Variants in ARL4C observed in about 807,000 individuals in gnomAD.
ARL4C encodes ADP-ribosylation factor-like protein 4C.
ARL4C carries 5 observed loss-of-function variants against 12.8 expected under a neutral mutation model. The ratio of observed to expected loss-of-function variants is 0.39; its 90% CI spans 0.20 to 0.82. The LOEUF (loss-of-function observed/expected upper bound fraction) is 0.82, where lower values mean the gene tolerates loss of function less well. Ranked by LOEUF, ARL4C falls within the 40% of genes least tolerant of loss-of-function variation. The probability of loss-of-function intolerance (pLI) is 0.39; values close to 1 mark genes in which losing one functional copy is unlikely to be tolerated. For synonymous variants in ARL4C, 119 were observed against 119.4 expected, an observed-to-expected ratio of 1.00 and a Z score of 0.02; for missense variants, 148 against 265.2, an observed-to-expected ratio of 0.56 and a Z score of 3.07.
rs1691779905 is a variant in ARL4C, at chr2:234,496,142, G to A, written c.445C>T (p.Leu149Phe). ...EIEKQLALHELIPATTYHVQP... is the reference protein window; with the variant it reads ...EIEKQLALHEFIPATTYHVQP... Reference sequence around the variant, plus strand: ...ACGTGATAGGTGGTGGCCGGGATAAGCTCGTGCAGCGCCAGCTGCTTCTCA... The same window carrying A: ...ACGTGATAGGTGGTGGCCGGGATAAACTCGTGCAGCGCCAGCTGCTTCTCA... Residue 149 changes from leucine to phenylalanine, a missense_variant, in exon 1 of 2, where the codon CTT becomes TTT. Coordinates refer to ENST00000339728, the MANE Select transcript of ARL4C (RefSeq NM_001282431.2). 2.5e-6 allele frequency: 4 copies of A among 1,613,748 alleles called. No individual in the cohort carries two copies. The highest frequency in any genetic ancestry group is 3.4e-6 in the Non-Finnish European group (4 of 1,179,944).
In ARL4C at chr2:234,496,344, G is replaced by A. The variant is rs374968421; in HGVS notation, c.243C>T (p.Ser81=). The A allele has an allele frequency of 1.2e-6, 2 of 1,613,196 alleles. No individual in the cohort carries two copies. The highest frequency in any genetic ancestry group is 1.7e-6 in the Non-Finnish European group (2 of 1,179,776). The stretch of plus-strand genomic sequence containing the variant: ...TGATGCCGTCCGTGCAGCGGCTGTA[G>A]GACTTCCACAGCGGCCGCAGCTTCT... ...GQEKLRPLWK[S]YSRCTDGIIY... is the part of the protein sequence containing the mutation. Residue 81 remains serine (S), a synonymous_variant, in exon 1 of 2, where the codon TCC becomes TCT. Transcript: ENST00000339728.
chr2:234,496,451 C>T lies in ARL4C; in HGVS notation c.136G>A (p.Gly46Ser). Reference sequence around the variant, plus strand: ...AGCTTGATCTTCTCGGTGTTGAAGCCGATGGTGGGCACCGTGTTCACGAAC... The same window carrying T: ...AGCTTGATCTTCTCGGTGTTGAAGCTGATGGTGGGCACCGTGTTCACGAAC... ...NEFVNTVPTI[G>S]FNTEKIKLSN... is the part of the protein sequence containing the mutation. Residue 46 changes from glycine to serine, a missense_variant, in exon 1 of 2, where the codon GGC (glycine) becomes AGC (serine). Coordinates refer to ENST00000339728, the MANE Select transcript of ARL4C (RefSeq NM_001282431.2). The T allele has an allele frequency of 6.2e-7, 1 of 1,613,160 alleles. No homozygotes were observed. Among genetic ancestry groups the T allele is most frequent in the Non-Finnish European group, 8.5e-7 (1 of 1,179,840 alleles).
chr2:234,495,904 G>A (rs954511357), intron 1 of ARL4C, 68 bp from the exon 2 acceptor site: 5 of 1,604,540 alleles, frequency 3.1e-6, no homozygotes, highest in Non-Finnish European at 4.2e-6. Flanking sequence ...CTTTGTTCGC[G>A]GGCGCGGGTT....
At position 234,496,621 on chromosome 2, in the gene ARL4C, G is replaced by C. The variant is rs757470804; in HGVS notation, c.-35C>G. ...CTGCGGCGCCAGCCACTGCGGCTGC[G>C]GCGGGAGGGCGCCGCCCCCCGAGCA... On this transcript the variant is annotated 5_prime_UTR_variant, in exon 1 of 2. Coordinates refer to ENST00000339728, the MANE Select transcript of ARL4C (RefSeq NM_001282431.2). The C allele has an allele frequency of 1.1e-5, 15 of 1,421,888 alleles. No homozygotes were observed. The highest frequency in any genetic ancestry group is 1.4e-5 in the Non-Finnish European group (15 of 1,085,862). 88.1% of individuals were successfully genotyped at this position (1,421,888 alleles called of 1,614,324 possible).
Position 234,496,900 on chromosome 2 carries a change from C to A in ARL4C, c.-314G>T, listed in dbSNP as rs1691795128. The A allele has an allele frequency of 6.7e-6, 1 of 149,550 alleles. No individual in the cohort carries two copies. Among genetic ancestry groups the A allele is most frequent in the African/African-American group, 2.4e-5 (1 of 41,220 alleles). 9.3% of individuals were successfully genotyped at this position (149,550 alleles called of 1,614,324 possible). A position where few individuals can be genotyped will look rare whatever the true frequency, so the allele number is the denominator to read the frequency against. ...CTCTGTGGTTTCCTCGGGCCGCGCC[C>A]CCGCGCTCCGGCAGCTGCCCGGGCT... On this transcript the variant is annotated 5_prime_UTR_variant, in exon 1 of 2. Transcript: ENST00000339728.
chr2:234,495,660 C>A lies in ARL4C; in HGVS notation c.*146G>T. 9.7e-7 allele frequency: 1 copy of A among 1,029,520 alleles called. No homozygotes were observed. The highest frequency in any genetic ancestry group is 1.5e-6 in the Non-Finnish European group (1 of 681,396). 63.8% of individuals were successfully genotyped at this position (1,029,520 alleles called of 1,614,324 possible). On this transcript the variant is annotated 3_prime_UTR_variant, in exon 2 of 2. Coordinates refer to ENST00000339728, the MANE Select transcript of ARL4C (RefSeq NM_001282431.2). ...GCTTTTGTCTTTCCGACAACTGAGC[C>A]TTCCACCTGGGGCTGGGAGGGCGGA...
rs756451178 is a variant in ARL4C, at chr2:234,496,243, G to A, written c.344C>T (p.Ala115Val). 2 of 1,584,084 alleles carry A rather than the reference G, an allele frequency of 1.3e-6. No homozygotes were observed. The highest frequency in any genetic ancestry group is 1.7e-6 in the Non-Finnish European group (2 of 1,163,880). ...KTELHKVTKFAENQGTPLLVI... is the reference protein window; with the variant it reads ...KTELHKVTKFVENQGTPLLVI... ...CAGCAGCGGCGTGCCCTGGTTCTCG[G>A]CGAACTTGGTCACCTTGTGCAGCTC... The change falls in exon 1 of 2, where the codon GCC (alanine) becomes GTC (valine). Residue 115 changes from alanine (A) to valine (V), a missense_variant. This residue lies in a region of ARL4C where 27 missense variants were observed against 25.6 expected (regional missense o/e 1.06). Transcript: ENST00000339728.
Position 234,493,464 on chromosome 2 carries a change from T to A in ARL4C, c.*2342A>T, listed in dbSNP as rs1365545255. Reference sequence around the variant, plus strand: ...TAGGTCAAACATTACAGAAATCAACTGAGACTCTTAACTAGTAGTTGATAC... The same window carrying A: ...TAGGTCAAACATTACAGAAATCAACAGAGACTCTTAACTAGTAGTTGATAC... On this transcript the variant is annotated 3_prime_UTR_variant, in exon 2 of 2. Coordinates refer to ENST00000339728, the MANE Select transcript of ARL4C (RefSeq NM_001282431.2). 1 of 152,404 alleles carries A rather than the reference T, an allele frequency of 6.6e-6. No homozygotes were observed. The highest frequency in any genetic ancestry group is 2.4e-5 in the African/African-American group (1 of 41,460). The allele number at this position is 152,404 out of a possible 1,614,324, so 9.4% of individuals were successfully genotyped here.
In ARL4C at chr2:234,496,185, C is replaced by T. The variant is rs1222571868; in HGVS notation, c.402G>A (p.Ser134=). Residue 134 remains serine, a synonymous_variant, in exon 1 of 2, where the codon TCG becomes TCA. Coordinates refer to ENST00000339728, the MANE Select transcript of ARL4C (RefSeq NM_001282431.2). ...GCTTCTCAATCTCTGCCACCGGCAG[C>T]GACTTGGGCAGGTCCTGCTTGTTGG... ...VIANKQDLPK[S]LPVAEIEKQL... 1.2e-6 allele frequency: 2 copies of T among 1,609,316 alleles called. No homozygotes were observed. The highest frequency in any genetic ancestry group is 3.4e-5 in the Admixed American group (2 of 59,336).
chr2:234,495,380 C>T lies in ARL4C; in HGVS notation c.*426G>A. 3.7e-6 allele frequency: 1 copy of T among 270,466 alleles called. No individual in the cohort carries two copies. The allele number at this position is 270,466 out of a possible 1,614,324, so 16.8% of individuals were successfully genotyped here. On this transcript the variant is annotated 3_prime_UTR_variant, in exon 2 of 2. Coordinates refer to ENST00000339728, the MANE Select transcript of ARL4C (RefSeq NM_001282431.2). ...ACCGTCCCAGGCAGTCCTCTGATGA[C>T]CCAAACCACCACCACCTTTGGGCCC...
chr2:234,495,068 TA>T lies in ARL4C; in HGVS notation c.*737del, dbSNP rs1437599127. 2.0e-5 allele frequency: 3 copies of T among 152,890 alleles called. No homozygotes were observed. Among genetic ancestry groups the T allele is most frequent in the Non-Finnish European group, 4.4e-5 (3 of 68,398 alleles). The allele number at this position is 152,890 out of a possible 1,614,324, so 9.5% of individuals were successfully genotyped here. A position where few individuals can be genotyped will look rare whatever the true frequency, so the allele number is the denominator to read the frequency against. ...CATCCAGCATTTACACCAAAAGCCTTACCCTTTAAACACCTTTAACTATCCT... is the reference window on the plus strand; with the variant it reads ...CATCCAGCATTTACACCAAAAGCCTTCCCTTTAAACACCTTTAACTATCCT... On this transcript the variant is annotated 3_prime_UTR_variant, in exon 2 of 2. Transcript: ENST00000339728.
Position 234,496,011 on chromosome 2 carries a change from C to A in ARL4C, c.575+1G>T. 6.2e-7 allele frequency: 1 copy of A among 1,605,958 alleles called. No individual in the cohort carries two copies. Among genetic ancestry groups the A allele is most frequent in the Non-Finnish European group, 8.5e-7 (1 of 1,175,314 alleles). On this transcript the variant is annotated splice_donor_variant, in intron 1 of 1. Transcript: ENST00000339728. LOFTEE classifies it high-confidence loss of function. Reference sequence around the variant, plus strand: ...CTCCCCGGTCGCTCCGGGCGCATTACCGCTTCTTCTTCTGCTTGAGGGACT... The same window carrying A: ...CTCCCCGGTCGCTCCGGGCGCATTAACGCTTCTTCTTCTGCTTGAGGGACT...
In ARL4C at chr2:234,496,603, G is replaced by T. The variant is rs754236497; in HGVS notation, c.-17C>A. ...GTTGCCCATGGCTCCTGGCTGCGGC[G>T]CCAGCCACTGCGGCTGCGGCGGGAG... On this transcript the variant is annotated 5_prime_UTR_variant, in exon 1 of 2. Coordinates refer to ENST00000339728, the MANE Select transcript of ARL4C (RefSeq NM_001282431.2). 6 of 1,460,446 alleles carry T rather than the reference G, an allele frequency of 4.1e-6. No homozygotes were observed. Among genetic ancestry groups the T allele is most frequent in the Admixed American group, 5.1e-5 (2 of 39,378 alleles). 90.5% of individuals were successfully genotyped at this position (1,460,446 alleles called of 1,614,324 possible). A position where few individuals can be genotyped will look rare whatever the true frequency, so the allele number is the denominator to read the frequency against.
At position 234,495,350 on chromosome 2, in the gene ARL4C, G is replaced by A. The variant is rs1165000346; in HGVS notation, c.*456C>T. 2 of 194,448 alleles carry A rather than the reference G, an allele frequency of 1.0e-5. No homozygotes were observed. The highest frequency in any genetic ancestry group is 2.4e-5 in the African/African-American group (1 of 42,498). The allele number at this position is 194,448 out of a possible 1,614,324, so 12.0% of individuals were successfully genotyped here. ...CAGGCCAGCACAGCGCTCCGTGCCC[G>A]CTGAACCGTCCCAGGCAGTCCTCTG... On this transcript the variant is annotated 3_prime_UTR_variant, in exon 2 of 2. Coordinates refer to ENST00000339728, the MANE Select transcript of ARL4C (RefSeq NM_001282431.2).
In ARL4C at chr2:234,493,737, C is replaced by T. The variant is rs1040369820; in HGVS notation, c.*2069G>A. On this transcript the variant is annotated 3_prime_UTR_variant, in exon 2 of 2. Transcript: ENST00000339728. Reference sequence around the variant, plus strand: ...AATGTCAAAGTGCTTAAGAAATTGTCGCATGTGAAGAAAATAAAGAAAGAT... The same window carrying T: ...AATGTCAAAGTGCTTAAGAAATTGTTGCATGTGAAGAAAATAAAGAAAGAT... 2.0e-5 allele frequency: 3 copies of T among 152,160 alleles called. No homozygotes were observed. Among genetic ancestry groups the T allele is most frequent in the African/African-American group, 7.3e-5 (3 of 41,266 alleles). 9.4% of individuals were successfully genotyped at this position (152,160 alleles called of 1,614,324 possible).
chr2:234,495,767 AGCTGGGGGTGGGGG>A lies in ARL4C; in HGVS notation c.*25_*38del, dbSNP rs749420932. ...TGGCGTTCAGACAAAAGGTCCCCTG[AGCTGGGGGTGGGGG>A]GCAGGTCGAGAGTAGGCCGGTAAAT... On this transcript the variant is annotated 3_prime_UTR_variant, in exon 2 of 2. Transcript: ENST00000339728. 41 of 1,597,902 alleles carry A rather than the reference AGCTGGGGGTGGGGG, an allele frequency of 2.6e-5. No individual in the cohort carries two copies. Among genetic ancestry groups the A allele is most frequent in the Admixed American group, 3.3e-5 (2 of 60,008 alleles).
chr2:234,494,618 C>CTT lies in ARL4C; in HGVS notation c.*1187_*1188insAA, dbSNP rs1691751184. Reference sequence around the variant, plus strand: ...AAGGTGGGGTTTTATTTTTTTGGTGCATGACATCAAATACTCTAACGAGAC... The same window carrying CTT: ...AAGGTGGGGTTTTATTTTTTTGGTGCTTATGACATCAAATACTCTAACGAGAC... On this transcript the variant is annotated 3_prime_UTR_variant, in exon 2 of 2. Transcript: ENST00000339728. The CTT allele has an allele frequency of 6.6e-6, 1 of 152,152 alleles. No individual in the cohort carries two copies. The highest frequency in any genetic ancestry group is 1.5e-5 in the Non-Finnish European group (1 of 68,012). 9.4% of individuals were successfully genotyped at this position (152,152 alleles called of 1,614,324 possible).
chr2:234,495,775 G>GT lies in ARL4C; in HGVS notation c.*30dup, dbSNP rs1225627245. On this transcript the variant is annotated 3_prime_UTR_variant, in exon 2 of 2. Transcript: ENST00000339728. ...AGACAAAAGGTCCCCTGAGCTGGGG[G>GT]TGGGGGGCAGGTCGAGAGTAGGCCG... The GT allele has an allele frequency of 4.4e-6, 7 of 1,598,112 alleles. No individual in the cohort carries two copies. In the African/African-American group the frequency reaches 9.3e-5, roughly 21 times the overall value.
At position 234,496,080 on chromosome 2, in the gene ARL4C, G is replaced by T; in HGVS notation, c.507C>A (p.Thr169=). The change falls in exon 1 of 2, where the codon ACC becomes ACA. Residue 169 remains threonine (T), a synonymous_variant. Coordinates refer to ENST00000339728, the MANE Select transcript of ARL4C (RefSeq NM_001282431.2). The part of the protein sequence containing the change: ...PACAIIGEGL[T]EGMDKLYEMI... ...TCTCATAGAGCTTGTCCATGCCCTCGGTGAGGCCCTCGCCGATGATGGCGC... is the reference window on the plus strand; with the variant it reads ...TCTCATAGAGCTTGTCCATGCCCTCTGTGAGGCCCTCGCCGATGATGGCGC... The T allele has an allele frequency of 3.1e-6, 5 of 1,613,050 alleles. No individual in the cohort carries two copies. The highest frequency in any genetic ancestry group is 4.2e-6 in the Non-Finnish European group (5 of 1,179,522).
Sources: allele counts gnomAD v4.1 joint callset, GRCh38; gene constraint gnomAD v4.1.1; regional missense constraint gnomAD v4.1.1; transcripts MANE v1.5; gene names NCBI Gene and HGNC (gene_info 2026-07-23, HGNC 2026-07-21).